NEBL: variants seen among roughly 807,000 people sequenced by gnomAD.
The protein encoded by NEBL is LIM and SH3 protein 2.
Under a neutral mutation model 140.2 loss-of-function variants are expected in NEBL, and 122 were observed. The observed-to-expected ratio is 0.87, with a 90% CI of 0.75 to 1.01. The LOEUF (loss-of-function observed/expected upper bound fraction) is 1.01. Among genes scored for constraint, NEBL ranks in the 50% least tolerant of loss-of-function variants. The probability of loss-of-function intolerance (pLI) is 0.00; values close to 1 mark genes in which losing one functional copy is unlikely to be tolerated. For synonymous variants in NEBL, 436 were observed against 398.9 expected, an observed-to-expected ratio of 1.09 and a Z score of -1.11; for missense variants, 1,365 against 1,231.3, an observed-to-expected ratio of 1.11 and a Z score of -1.62.
chr10:21,200,203 T>A (rs1347422916), intron 3 of NEBL, among the ~76,000 whole-genome samples: 2 of 151,724 alleles, frequency 1.3e-5, no homozygotes. Flanking sequence ...AGACTCAGGG[T>A]CTCAGAGTCT....
intron 4 of NEBL, among the ~76,000 whole-genome samples, chr10:20,936,764 T>C (rs962511135): frequency 6.6e-6 from 1 of 152,244 alleles, no homozygotes; most frequent in African/African-American, 2.4e-5. Flanking sequence ...GTTCTAATTA[T>C]TGCCTTTTCT....
intron 1 of NEBL, among the ~76,000 whole-genome samples, chr10:21,288,327 G>A (rs1351907520): frequency 1.3e-5 from 2 of 151,816 alleles, no homozygotes; most frequent in Admixed American, 1.3e-4. Context: ...AATTAGCCAG[G>A]CATGGTGCCA....
intron 7 of NEBL, 177 bp downstream of exon 7, chr10:20,868,487 A>T (rs1844551685): frequency 1.7e-5 from 10 of 604,728 alleles, no homozygotes; most frequent in Admixed American, 8.8e-5. Flanking sequence ...ATTAGACTTA[A>T]TTTTTTTCCT....
chr10:20,915,009 G>A (rs1485904880), intron 4 of NEBL, among the ~76,000 whole-genome samples: 2 of 125,164 alleles, frequency 1.6e-5, no homozygotes, highest in East Asian at 4.7e-4. Context: ...CACTATATTG[G>A]CCAGGCTGGT....
chr10:20,845,147 G>A, intron 12 of NEBL, 111 bp downstream of exon 12: 1 of 679,456 alleles, frequency 1.5e-6, no homozygotes, highest in Non-Finnish European at 2.6e-6. Flanking sequence ...AAAAAAAAGA[G>A]TAATGCCTTA....
intron 3 of NEBL, among the ~76,000 whole-genome samples, chr10:21,002,846 A>C (rs1039875151): frequency 7.9e-5 from 12 of 152,134 alleles, no homozygotes; most frequent in Non-Finnish European, 2.9e-5. Flanking sequence ...TTACAATTCC[A>C]CAAGAGATTT....
In NEBL at chr10:20,867,303, G is replaced by A. The variant is rs191534601; in HGVS notation, c.684+1361C>T. Among the ~76,000 whole-genome samples the A allele has an allele frequency of 3.8e-3, 584 of 152,120 alleles. 6 individuals carry two copies. Among genetic ancestry groups the A allele is most frequent in the African/African-American group, 0.013 (558 of 41,508 alleles). On this transcript the variant is annotated intron_variant, in intron 7 of 27. Coordinates refer to ENST00000377122, the MANE Select transcript of NEBL (RefSeq NM_006393.3). The stretch of plus-strand genomic sequence containing the variant: ...GGCTCTTTCACCAACAGAATAGTAC[G>A]TCTTTTCATTTGTTCGGGACTTATT...
intron 26 of NEBL, among the ~76,000 whole-genome samples, chr10:20,787,819 G>A (rs141949297): frequency 6.4e-4 from 98 of 152,078 alleles, no homozygotes; most frequent in Non-Finnish European, 1.2e-3. Flanking sequence ...ACGTTTGTTC[G>A]GTAGTTAACA....
intron 3 of NEBL, among the ~76,000 whole-genome samples, chr10:20,988,530 T>A (rs764930999): frequency 6.6e-6 from 1 of 152,064 alleles, no homozygotes. Flanking sequence ...GTGCAATAAG[T>A]CCTATCCCCC....
intron 1 of NEBL, among the ~76,000 whole-genome samples, chr10:21,272,870 A>G (rs1054347321): frequency 8.5e-5 from 13 of 152,144 alleles, no homozygotes; most frequent in Non-Finnish European, 1.5e-4. Flanking sequence ...TATTATGTCC[A>G]TCATGGTCAT....
chr10:21,114,541 G>T (rs1013048928), intron 2 of NEBL, among the ~76,000 whole-genome samples: 1 of 152,086 alleles, frequency 6.6e-6, no homozygotes, highest in South Asian at 2.1e-4. Flanking sequence ...CCACCTAAAT[G>T]GTGGTCTGGC....
At chr10:21,138,139 C>G (rs913279536) in intron 2 of NEBL, among the ~76,000 whole-genome samples, 9 of 152,228 alleles carry the variant, frequency 5.9e-5, no homozygotes, top group African/African-American at 2.2e-4. Context: ...GAGCATGAAT[C>G]TGGCTTCCGA....
intron 2 of NEBL, among the ~76,000 whole-genome samples, chr10:21,105,547 T>A (rs1334912726): frequency 6.6e-6 from 1 of 152,194 alleles, no homozygotes; most frequent in Non-Finnish European, 1.5e-5. Context: ...TAGTATTCCG[T>A]GGTGCATATG....
Position 20,785,514 on chromosome 10 carries a change from A to G in NEBL, c.*233T>C. ...ATCAAAGGAAACCATGAACACAATT[A>G]GCAGCACCAGGTGTCCAGACACAAA... On this transcript the variant is annotated 3_prime_UTR_variant, in exon 28 of 28. Coordinates refer to ENST00000377122, the MANE Select transcript of NEBL (RefSeq NM_006393.3). 1.8e-6 allele frequency: 1 copy of G among 561,734 alleles called. No individual in the cohort carries two copies. The highest frequency in any genetic ancestry group is 3.1e-5 in the East Asian group (1 of 31,774). 34.8% of individuals were successfully genotyped at this position (561,734 alleles called of 1,614,324 possible). A position where few individuals can be genotyped will look rare whatever the true frequency, so the allele number is the denominator to read the frequency against.
At chr10:20,960,153 C>A (rs1835985802) in intron 4 of NEBL, among the ~76,000 whole-genome samples, 1 of 151,858 alleles carries the variant, frequency 6.6e-6, no homozygotes, top group Non-Finnish European at 1.5e-5. Context: ...ATGTTTAGTT[C>A]TTTTTGAAAT....
At chr10:21,083,548 G>C (rs755372544) in intron 2 of NEBL, among the ~76,000 whole-genome samples, 1 of 152,064 alleles carries the variant, frequency 6.6e-6, no homozygotes, top group East Asian at 1.9e-4. Flanking sequence ...ACTATATACC[G>C]CTCCTCTCAG....
At chr10:20,792,156 A>G (rs1836062061) in intron 26 of NEBL, among the ~76,000 whole-genome samples, 1 of 151,900 alleles carries the variant, frequency 6.6e-6, no homozygotes, top group South Asian at 2.1e-4. Flanking sequence ...GAAAAAGAAA[A>G]AGAAAAAAAT....
At chr10:20,917,082 G>C (rs912992429) in intron 4 of NEBL, among the ~76,000 whole-genome samples, 2 of 152,142 alleles carry the variant, frequency 1.3e-5, no homozygotes, top group African/African-American at 4.8e-5. Context: ...TAACCCTCCT[G>C]ATTATGGGAA....
At chr10:20,974,434 C>T (rs372829150) in intron 3 of NEBL, among the ~76,000 whole-genome samples, 2 of 151,530 alleles carry the variant, frequency 1.3e-5, no homozygotes, top group Non-Finnish European at 2.9e-5. Context: ...TTGTATTTTG[C>T]GTAAAGATGG....
Sources: gnomAD v4.1 joint callset for allele counts (sites outside exome capture counted in the v4.1 genomes callset) on GRCh38, gnomAD v4.1.1 for gene constraint, MANE v1.5 for transcripts, NCBI Gene and HGNC (gene_info 2026-07-23, HGNC 2026-07-21) for gene names.